CDH3: variants seen among roughly 807,000 people sequenced by gnomAD.
The protein encoded by CDH3 is cadherin-3.
Under a neutral mutation model 82.0 loss-of-function variants are expected in CDH3, and 54 were observed. The observed-to-expected ratio is 0.66, with a 90% CI of 0.53 to 0.83. The LOEUF (loss-of-function observed/expected upper bound fraction) is 0.83. CDH3 is among the 40% of genes least tolerant of loss of function. The pLI, the probability that CDH3 is intolerant of heterozygous loss-of-function variation, is 0.00. For synonymous variants in CDH3, 446 were observed against 437.9 expected, an observed-to-expected ratio of 1.02 and a Z score of -0.23; for missense variants, 1,054 against 1,084.6, an observed-to-expected ratio of 0.97 and a Z score of 0.40.
downstream of CDH3, among the ~76,000 whole-genome samples, chr16:68,700,905 A>G (rs571373746): frequency 7.2e-5 from 11 of 152,214 alleles, no homozygotes; most frequent in South Asian, 8.3e-4. Flanking sequence ...TCCTTGGTCC[A>G]TGGCACCCTC....
chr16:68,715,204 T>C (rs1265163809), intron 1 of CDH3, among the ~76,000 whole-genome samples: 1 of 151,832 alleles, frequency 6.6e-6, no homozygotes, highest in Admixed American at 6.6e-5. Flanking sequence ...GGTGAGCAGA[T>C]CACTCGAAGC....
Position 68,699,813 on chromosome 16 carries a change from C to A in CDH3, c.*1413C>A, listed in dbSNP as rs1439942536. On this transcript the variant is annotated 3_prime_UTR_variant, in exon 16 of 16. Coordinates refer to ENST00000264012, the MANE Select transcript of CDH3 (RefSeq NM_001793.6). Reference sequence around the variant, plus strand: ...CCAGCGCTGGCACATCATTTAACCTCCAGTTGCCTCAGATTTTACATTTAC... The same window carrying A: ...CCAGCGCTGGCACATCATTTAACCTACAGTTGCCTCAGATTTTACATTTAC... The A allele has an allele frequency of 6.6e-6, 1 of 152,174 alleles. No homozygotes were observed. Among genetic ancestry groups the A allele is most frequent in the Admixed American group, 6.5e-5 (1 of 15,270 alleles). The allele number at this position is 152,174 out of a possible 1,614,324, so 9.4% of individuals were successfully genotyped here. A position where few individuals can be genotyped will look rare whatever the true frequency, so the allele number is the denominator to read the frequency against.
chr16:68,683,780 C>G (rs1051058379), intron 9 of CDH3, among the ~76,000 whole-genome samples: 1 of 148,180 alleles, frequency 6.7e-6, no homozygotes, highest in South Asian at 2.2e-4. Flanking sequence ...ATAAAAAATT[C>G]GCTGGGGCCG....
At chr16:68,700,606 C>G (rs1469041460), downstream of CDH3, among the ~76,000 whole-genome samples, 1 of 152,214 alleles carries the variant, frequency 6.6e-6, no homozygotes, top group Non-Finnish European at 1.5e-5. Context: ...GGGTTCGAGA[C>G]CAGCCTGGCC....
At chr16:68,651,569 C>T (rs1482951076) in intron 2 of CDH3, 1 of 497,980 alleles carries the variant, frequency 2.0e-6, no homozygotes, top group East Asian at 4.9e-5. Context: ...TCTTGGCCTT[C>T]CCCGCCAGGG....
At chr16:68,714,529 C>G (rs1236195276) in intron 1 of CDH3, among the ~76,000 whole-genome samples, 1 of 152,118 alleles carries the variant, frequency 6.6e-6, no homozygotes, top group East Asian at 1.9e-4. Flanking sequence ...TATTCCTCCC[C>G]TAGAGTTTTC....
chr16:68,670,415 T>G (rs1960856207), intron 2 of CDH3, among the ~76,000 whole-genome samples: 1 of 151,910 alleles, frequency 6.6e-6, no homozygotes, highest in African/African-American at 2.4e-5. Context: ...ATGTGGTAAA[T>G]GGTGGGTAAT....
intron 2 of CDH3, among the ~76,000 whole-genome samples, chr16:68,667,781 G>A (rs963701861): frequency 6.6e-6 from 1 of 152,192 alleles, no homozygotes; most frequent in African/African-American, 2.4e-5. Flanking sequence ...GGCCAGGCTT[G>A]GCAGGATGAT....
downstream of CDH3, among the ~76,000 whole-genome samples, chr16:68,730,983 G>A (rs1187960772): frequency 2.7e-5 from 3 of 109,632 alleles, no homozygotes; most frequent in African/African-American, 1.1e-4. Flanking sequence ...TTTTACCATT[G>A]CACTCCAGCC....
rs763719745 is a variant in CDH3, at chr16:68,684,668, C to T, written c.1268C>T (p.Ser423Phe). ...EAPFVLKLPT[S>F]TATIVVHVED... is the part of the protein sequence containing the mutation. ...CCTTTTGTGCTGAAGCTCCCAACCT[C>T]CACAGCCACCATAGTGGTCCACGTG... Residue 423 changes from serine to phenylalanine, a missense_variant, in exon 10 of 16, where the codon TCC becomes TTC. Coordinates refer to ENST00000264012, the MANE Select transcript of CDH3 (RefSeq NM_001793.6). 6.2e-7 allele frequency: 1 copy of T among 1,614,228 alleles called. No individual in the cohort carries two copies. Among genetic ancestry groups the T allele is most frequent in the South Asian group, 1.1e-5 (1 of 91,084 alleles).
chr16:68,672,079 C>T (rs1026301444), intron 2 of CDH3, among the ~76,000 whole-genome samples: 4 of 151,844 alleles, frequency 2.6e-5, no homozygotes, highest in African/African-American at 9.7e-5. Flanking sequence ...GTAGTCCCAG[C>T]TACTCGGGAG....
intron 2 of CDH3, among the ~76,000 whole-genome samples, chr16:68,722,865 C>T (rs1027432978): frequency 5.9e-5 from 9 of 151,938 alleles, no homozygotes; most frequent in African/African-American, 2.2e-4. Context: ...GTGATCTCGG[C>T]TCACTGCAAT....
In CDH3 at chr16:68,687,494, A is replaced by T. The variant is rs368900553; in HGVS notation, c.1571-18A>T. 1 of 1,606,152 alleles carries T rather than the reference A, an allele frequency of 6.2e-7. No individual in the cohort carries two copies. The highest frequency in any genetic ancestry group is 1.7e-5 in the Admixed American group (1 of 59,972). On this transcript the variant is annotated intron_variant, in intron 11 of 15. Transcript: ENST00000264012. ...GGGTGGGTCACAGGGAGCTCATCAT[A>T]TGTGTCATTACAAACAGGAAGCCCT...
At chr16:68,686,663 A>G (rs1961421397) in intron 11 of CDH3, 1 of 836,566 alleles carries the variant, frequency 1.2e-6, no homozygotes, top group Non-Finnish European at 2.1e-6. Context: ...GGATGGTGAC[A>G]TTCTTGGAAA....
At chr16:68,731,368 CAAAAAAAAAAAAA>C (rs869074059), downstream of CDH3, among the ~76,000 whole-genome samples, 52 of 2,230 alleles carry the variant, frequency 0.023, 1 homozygote, top group East Asian at 0.067. Flanking sequence ...AACTCCGTCT[CAAAAAAAAAAAAA>C]AAAAAAAAAA....
chr16:68,705,482 G>A (rs896515132), intron 1 of CDH3, among the ~76,000 whole-genome samples: 5 of 151,834 alleles, frequency 3.3e-5, no homozygotes, highest in Admixed American at 1.3e-4. Context: ...GTGCAGTGAC[G>A]CGATCTTGGC....
intron 9 of CDH3, 115 bp downstream of exon 9, chr16:68,682,602 T>C (rs576347839): frequency 9.4e-6 from 9 of 959,816 alleles, no homozygotes; most frequent in Non-Finnish European, 1.5e-5. Flanking sequence ...ACCAGCCCAG[T>C]GGCTCCCAAC....
chr16:68,688,400 C>T (rs1270870137), intron 12 of CDH3, among the ~76,000 whole-genome samples: 1 of 151,936 alleles, frequency 6.6e-6, no homozygotes, highest in Non-Finnish European at 1.5e-5. Flanking sequence ...CCAGCCTGGC[C>T]AATATGGTGA....
At chr16:68,650,346 C>G (rs1020765088) in intron 2 of CDH3, among the ~76,000 whole-genome samples, 3 of 151,996 alleles carry the variant, frequency 2.0e-5, no homozygotes, top group Non-Finnish European at 4.4e-5. Context: ...CTCTTGTTGC[C>G]CAGGCTGGAG....
Sources: gnomAD v4.1 joint callset for allele counts (sites outside exome capture counted in the v4.1 genomes callset) on GRCh38, gnomAD v4.1.1 for gene constraint, MANE v1.5 for transcripts, NCBI Gene and HGNC (gene_info 2026-07-23, HGNC 2026-07-21) for gene names.